The following SHROOM4 variants were observed in gnomAD, a reference collection of about 807,000 sequenced individuals.
The protein encoded by SHROOM4 is shroom family member 4.
A neutral mutation model predicts 80.3 loss-of-function variants in SHROOM4; 17 were observed. That is an observed-to-expected ratio of 0.21 (90% CI 0.14 to 0.32). The LOEUF is 0.32. Among genes scored for constraint, SHROOM4 ranks in the 10% least tolerant of loss-of-function variants. The probability of loss-of-function intolerance (pLI) is 1.00; values close to 1 mark genes in which losing one functional copy is unlikely to be tolerated. For synonymous variants in SHROOM4, 400 were observed against 437.5 expected (o/e 0.91, Z 1.07); for missense variants, 993 against 1,140.3 (o/e 0.87, Z 1.86).
chrX:50,654,834 A>T (rs1932243672), intron 2 of SHROOM4, among the ~76,000 whole-genome samples: 2 of 108,242 alleles, frequency 1.8e-5, no homozygotes, highest in South Asian at 8.3e-4. Flanking sequence ...CAGGTTTGTT[A>T]CATGGGTATA....
At chrX:50,613,132 T>C (rs950158675) in intron 5 of SHROOM4, among the ~76,000 whole-genome samples, 1 of 111,914 alleles carries the variant, frequency 8.9e-6, no homozygotes, top group Non-Finnish European at 1.9e-5. Flanking sequence ...CAGAAACTTT[T>C]TTTTTGAGAC....
chrX:50,689,552 A>C (rs1255480627), intron 2 of SHROOM4, among the ~76,000 whole-genome samples: 3 of 111,865 alleles, frequency 2.7e-5, no homozygotes, highest in African/African-American at 9.7e-5. Flanking sequence ...TCTTTCATGC[A>C]TATTTCTTAA....
intron 1 of SHROOM4, among the ~76,000 whole-genome samples, chrX:50,798,721 T>C (rs782357407): frequency 6.3e-5 from 7 of 111,309 alleles, no homozygotes; most frequent in Non-Finnish European, 1.3e-4. Flanking sequence ...GATGAGAAGA[T>C]TAGAGAGTAT....
At chrX:50,712,670 C>A (rs1933849088) in intron 1 of SHROOM4, among the ~76,000 whole-genome samples, 1 of 111,800 alleles carries the variant, frequency 8.9e-6, no homozygotes, top group Non-Finnish European at 1.9e-5. Flanking sequence ...CTGCCTACAT[C>A]CATTTGAACC....
chrX:50,639,832 A>C (rs1931519380), intron 2 of SHROOM4, among the ~76,000 whole-genome samples: 1 of 112,215 alleles, frequency 8.9e-6, no homozygotes, highest in South Asian at 3.8e-4. Context: ...TTGAGTGGTA[A>C]TAGGCCAGAC....
At chrX:50,636,213 G>T (rs782520009) in intron 3 of SHROOM4, among the ~76,000 whole-genome samples, 3 of 110,834 alleles carry the variant, frequency 2.7e-5, no homozygotes, top group Non-Finnish European at 5.7e-5. Flanking sequence ...CTGAGAATTT[G>T]TACTTCCAAC....
At chrX:50,613,764 A>C (rs1387873042) in intron 5 of SHROOM4, among the ~76,000 whole-genome samples, 1 of 112,546 alleles carries the variant, frequency 8.9e-6, no homozygotes, top group Non-Finnish European at 1.9e-5. Flanking sequence ...AAACTCAATA[A>C]AAGTGTCAAC....
At position 50,803,121 on chromosome X, in the gene SHROOM4, C is replaced by T. The variant is rs188916959; in HGVS notation, c.117+10781G>A. Among the ~76,000 whole-genome samples, 971 of 111,869 alleles carry T rather than the reference C, an allele frequency of 8.7e-3. 10 individuals are homozygous for T. The highest frequency in any genetic ancestry group is 0.029 in the African/African-American group (892 of 30,786). Reference sequence around the variant, plus strand: ...AGGAGAATCGCTTGAACCCGGGAGGCGGAGGTTGCAGTGAGCCGAGATCAC... The same window carrying T: ...AGGAGAATCGCTTGAACCCGGGAGGTGGAGGTTGCAGTGAGCCGAGATCAC... On this transcript the variant is annotated intron_variant, in intron 1 of 8. Transcript: ENST00000376020.
At chrX:50,668,680 T>C (rs782271302) in intron 2 of SHROOM4, among the ~76,000 whole-genome samples, 51 of 111,736 alleles carry the variant, frequency 4.6e-4, no homozygotes, top group Non-Finnish European at 8.5e-4. Context: ...AAAGCACCCA[T>C]TATAAAAATG....
At chrX:50,702,190 C>A (rs1933535355) in intron 1 of SHROOM4, among the ~76,000 whole-genome samples, 1 of 111,583 alleles carries the variant, frequency 9.0e-6, no homozygotes. Flanking sequence ...CACTACATAT[C>A]CACCAGAATG....
the SHROOM4 span, among the ~76,000 whole-genome samples, chrX:50,577,907 C>T: frequency 2.7e-5 from 3 of 111,698 alleles, no homozygotes; most frequent in East Asian, 2.8e-4. Flanking sequence ...TGATACCCCC[C>T]CAGCACTGCT....
intron 5 of SHROOM4, among the ~76,000 whole-genome samples, chrX:50,625,548 C>A (rs1557252878): frequency 9.0e-6 from 1 of 110,504 alleles, no homozygotes; most frequent in African/African-American, 3.3e-5. Flanking sequence ...GTTTTTTTTT[C>A]TTCTATTTTT....
At chrX:50,614,691 C>T (rs1930145978) in intron 5 of SHROOM4, among the ~76,000 whole-genome samples, 2 of 112,176 alleles carry the variant, frequency 1.8e-5, no homozygotes, top group African/African-American at 6.5e-5. Context: ...TGTGCATATC[C>T]TTTGACCCAG....
chrX:50,728,007 T>C (rs1934279087), intron 1 of SHROOM4, among the ~76,000 whole-genome samples: 1 of 111,843 alleles, frequency 8.9e-6, no homozygotes, highest in African/African-American at 3.3e-5. Context: ...TCAATGGAGA[T>C]CTTGGTGAGC....
At chrX:50,654,546 G>T (rs939168408) in intron 2 of SHROOM4, among the ~76,000 whole-genome samples, 1 of 110,334 alleles carries the variant, frequency 9.1e-6, no homozygotes, top group African/African-American at 3.3e-5. Context: ...ATTTTTTGTG[G>T]TGAGAACATC....
chrX:50,723,393 G>GGAGGGAGAGAGAGAGAGA (rs1557265630), intron 1 of SHROOM4, among the ~76,000 whole-genome samples: 20 of 54,467 alleles, frequency 3.7e-4, no homozygotes, highest in African/African-American at 1.3e-3. Context: ...AGCAAGGGAG[G>GGAGGGAGAGAGAGAGAGA]GAGAGAGAGA....
chrX:50,794,900 G>T (rs1399206497), intron 1 of SHROOM4, among the ~76,000 whole-genome samples: 1 of 93,402 alleles, frequency 1.1e-5, no homozygotes, highest in African/African-American at 4.8e-5. Context: ...GTGTATAAAT[G>T]TGTATATATA....
rs782519326 is a variant in SHROOM4, at chrX:50,633,611, A to G, written c.2462T>C (p.Leu821Ser). 2 of 1,211,942 alleles carry G rather than the reference A, an allele frequency of 1.7e-6. No homozygotes were observed. The highest frequency in any genetic ancestry group is 3.5e-5 in the South Asian group (2 of 56,984). ...FQPMSSSCRELRRHPMDQSYH... is the reference protein window; with the variant it reads ...FQPMSSSCRESRRHPMDQSYH... Reference sequence around the variant, plus strand: ...TGATTGGTCCATGGGATGGCGCCTCAATTCCCTACAGCTGGAGCTCATTGG... The same window carrying G: ...TGATTGGTCCATGGGATGGCGCCTCGATTCCCTACAGCTGGAGCTCATTGG... The change falls in exon 4 of 9, where the codon TTG becomes TCG. Residue 821 changes from leucine to serine, a missense_variant. Physicochemically the swap from Leu to Ser is moderately radical, Grantham distance 145. Transcript: ENST00000376020.
At chrX:50,597,120 C>T (rs1557246837) in intron 8 of SHROOM4, among the ~76,000 whole-genome samples, 156 bp from the exon 9 acceptor site, 9 of 112,835 alleles carry the variant, frequency 8.0e-5, no homozygotes, top group Non-Finnish European at 3.7e-5. Flanking sequence ...AGTCTACCTC[C>T]ATGCAAAAGC....
Sources: allele counts gnomAD v4.1 joint callset (sites outside exome capture counted in the v4.1 genomes callset), GRCh38; gene constraint gnomAD v4.1.1; transcripts MANE v1.5; gene names NCBI Gene and HGNC (gene_info 2026-07-23, HGNC 2026-07-21).